Variants in ACSL1 observed in about 807,000 individuals in gnomAD.
ACSL1 encodes the protein acyl-CoA synthetase long chain family member 1.
In ACSL1, 41 loss-of-function variants were observed where a neutral mutation model predicts 98.4. That is an observed-to-expected ratio of 0.42 (90% CI 0.32 to 0.54). The LOEUF (loss-of-function observed/expected upper bound fraction) is 0.54, where lower values mean the gene tolerates loss of function less well. Among genes scored for constraint, ACSL1 ranks in the 20% least tolerant of loss-of-function variants. The probability of loss-of-function intolerance (pLI) is 0.13; values close to 1 mark genes in which losing one functional copy is unlikely to be tolerated. For missense variants in ACSL1, 734 were observed against 883.1 expected, an observed-to-expected ratio of 0.83 and a Z score of 2.14; for synonymous variants, 316 against 322.7, an observed-to-expected ratio of 0.98 and a Z score of 0.22.
intron 12 of ACSL1, 129 bp downstream of exon 12, chr4:184,768,187 C>A: frequency 1.0e-6 from 1 of 1,000,580 alleles, no homozygotes; most frequent in South Asian, 1.9e-5. Flanking sequence ...GATGAGTAAA[C>A]TGAAGTTCTG....
intron 1 of ACSL1, among the ~76,000 whole-genome samples, chr4:184,806,412 G>C (rs1233117977): frequency 6.6e-6 from 1 of 152,106 alleles, no homozygotes; most frequent in Non-Finnish European, 1.5e-5. Context: ...CTCCAGGCCT[G>C]AATAGGAAGT....
intron 3 of ACSL1, among the ~76,000 whole-genome samples, chr4:184,785,225 A>G (rs925751687): frequency 3.9e-5 from 6 of 152,220 alleles, no homozygotes; most frequent in Admixed American, 2.6e-4. Flanking sequence ...CTCCAGCTCC[A>G]GAACTAGCCG....
Position 184,825,792 on chromosome 4 carries a change from ACGCGCCTCCGCGGCGGC to A in ACSL1, c.-33+107_-33+123del, listed in dbSNP as rs1773436911. The A allele has an allele frequency of 6.7e-6, 1 of 149,400 alleles. No homozygotes were observed. The highest frequency in any genetic ancestry group is 2.4e-5 in the African/African-American group (1 of 41,098). The allele number at this position is 149,400 out of a possible 1,614,324, so 9.3% of individuals were successfully genotyped here. On this transcript the variant is annotated intron_variant, in intron 1 of 20. Coordinates refer to ENST00000281455, the MANE Select transcript of ACSL1 (RefSeq NM_001995.5). This position sits in a 1 kb window ranked among gnomAD's most constrained non-coding sequence, Gnocchi z 4.7. ...CGGCCCCACGAGCCTGGGGTGGCTCACGCGCCTCCGCGGCGGCCGCTGCTCCGGGCTCGGCCCTGAAG... is the reference window on the plus strand; with the variant it reads ...CGGCCCCACGAGCCTGGGGTGGCTCACGCTGCTCCGGGCTCGGCCCTGAAG...
intron 1 of ACSL1, among the ~76,000 whole-genome samples, chr4:184,815,916 T>C (rs1230803101): frequency 1.3e-5 from 2 of 150,916 alleles, no homozygotes; most frequent in African/African-American, 4.9e-5. Flanking sequence ...AGGCCAGGAG[T>C]TCAAGCCCAG....
intron 1 of ACSL1, chr4:184,812,350 G>C (rs1400610515): frequency 2.3e-6 from 1 of 442,992 alleles, no homozygotes; most frequent in Admixed American, 6.4e-5. Context: ...GATTCTGACT[G>C]TGTCTCTGCA....
intron 5 of ACSL1, among the ~76,000 whole-genome samples, chr4:184,777,625 A>G (rs149187568): frequency 6.0e-4 from 92 of 152,216 alleles, no homozygotes; most frequent in Middle Eastern, 3.4e-3. Context: ...ATAAATTAAA[A>G]TCCGCCTGAA....
At chr4:184,824,499 G>A (rs543465274) in intron 1 of ACSL1, among the ~76,000 whole-genome samples, 1 of 152,290 alleles carries the variant, frequency 6.6e-6, no homozygotes, top group African/African-American at 2.4e-5. Context: ...GTTTTAAAGG[G>A]GAGAGGTATA....
rs183514309 is a variant in ACSL1, at chr4:184,762,368, G to T, written c.1638+39C>A. ...ATAAGACATTTTCTTCCCCACAGTG[G>T]AACTGAACTGTTTGTGACCTGAGGA... is the stretch of plus-strand genomic sequence containing the variant. On this transcript the variant is annotated intron_variant, in intron 17 of 20. Transcript: ENST00000281455. 235 of 1,518,554 alleles carry T rather than the reference G, an allele frequency of 1.5e-4. 6 individuals carry two copies. The Admixed American group carries it at 3.8e-3, about 25-fold the overall frequency. 94.1% of individuals were successfully genotyped at this position (1,518,554 alleles called of 1,614,324 possible).
chr4:184,816,389 G>A (rs1772640945), intron 1 of ACSL1, among the ~76,000 whole-genome samples: 1 of 152,070 alleles, frequency 6.6e-6, no homozygotes, highest in African/African-American at 2.4e-5. Context: ...AAAGAGCTCA[G>A]GTAACTATAA....
rs1446036604 is a variant in ACSL1 at position 184,760,365 on chromosome 4, T to A, written c.1774A>T (p.Ser592Cys). 6.2e-7 allele frequency: 1 copy of A among 1,614,120 alleles called. No individual in the cohort carries two copies. Among genetic ancestry groups the A allele is most frequent in the South Asian group, 1.1e-5 (1 of 91,080 alleles). The change falls in exon 18 of 21, where the codon AGC becomes TGC. Residue 592 changes from serine to cysteine, a missense_variant. Coordinates refer to ENST00000281455, the MANE Select transcript of ACSL1 (RefSeq NM_001995.5). ...PVAQVFVHGE[S>C]LQAFLIAIVV... is the part of the protein sequence containing the mutation. ...ACCCAGAAAGCACATACCTGCAGGC[T>A]TTCTCCGTGGACAAACACCTGAGCA...
rs557026378 is a variant in ACSL1 at position 184,825,363 on chromosome 4, T to C, written c.-33+553A>G. The C allele has an allele frequency of 1.2e-5, 6 of 516,908 alleles. No individual in the cohort carries two copies. The Middle Eastern group carries it at 4.9e-3, about 426-fold the overall frequency. 32.0% of individuals were successfully genotyped at this position (516,908 alleles called of 1,614,324 possible). The stretch of plus-strand genomic sequence containing the variant: ...CACTCCTCTGGAGTCACCGAGAGAA[T>C]GTCTGCCTCTGGCAGCGGCCTCTGA... On this transcript the variant is annotated intron_variant, in intron 1 of 20. Transcript: ENST00000281455. This position sits in a 1 kb window ranked among gnomAD's most constrained non-coding sequence, Gnocchi z 4.7.
chr4:184,818,480 A>G (rs1772807488), intron 1 of ACSL1, among the ~76,000 whole-genome samples: 1 of 152,222 alleles, frequency 6.6e-6, no homozygotes, highest in African/African-American at 2.4e-5. Flanking sequence ...GATCTTGGCT[A>G]TAAGATCTAC....
chr4:184,765,921 C>T lies in ACSL1; in HGVS notation c.1329G>A (p.Leu443=). The T allele has an allele frequency of 6.2e-7, 1 of 1,614,068 alleles. No individual in the cohort carries two copies. Among genetic ancestry groups the T allele is most frequent in the South Asian group, 1.1e-5 (1 of 91,070 alleles). ...TGAAPVSATV[L]TFLRAALGCQ... is the part of the protein sequence containing the mutation. ...AGCCCAGGGCTGCTCTGAGGAACGT[C>T]AGCACAGTGGCAGACACCGGGGCGG... The change falls in exon 14 of 21, where the codon CTG becomes CTA. Residue 443 remains leucine (L), a synonymous_variant. Transcript: ENST00000281455.
chr4:184,790,832 T>G (rs536767435), intron 2 of ACSL1, among the ~76,000 whole-genome samples: 2 of 149,994 alleles, frequency 1.3e-5, no homozygotes, highest in South Asian at 4.2e-4. Context: ...ATCACCTCAG[T>G]CTTGACTCCA....
At position 184,803,255 on chromosome 4, in the gene ACSL1, C is replaced by G. The variant is rs1770824872; in HGVS notation, c.195+65G>C. On this transcript the variant is annotated intron_variant, in intron 2 of 20. Transcript: ENST00000281455. The surrounding 1 kb of genome is among the most constrained non-coding windows in gnomAD (Gnocchi z 4.8). ...TGATCTTGATGGCTATCACATTCAA[C>G]AGGGCTCAGCTCATCTGGGGAAATG... 2.2e-6 allele frequency: 3 copies of G among 1,367,778 alleles called. No individual in the cohort carries two copies. The highest frequency in any genetic ancestry group is 2.9e-6 in the Non-Finnish European group (3 of 1,023,198). 84.7% of individuals were successfully genotyped at this position (1,367,778 alleles called of 1,614,324 possible). A position where few individuals can be genotyped will look rare whatever the true frequency, so the allele number is the denominator to read the frequency against.
chr4:184,811,643 G>A (rs1201411567), intron 1 of ACSL1, among the ~76,000 whole-genome samples: 1 of 152,084 alleles, frequency 6.6e-6, no homozygotes, highest in Admixed American at 6.6e-5. Flanking sequence ...GTTACTGGGG[G>A]CTGGGCAGGG....
intron 1 of ACSL1, among the ~76,000 whole-genome samples, chr4:184,822,183 G>A (rs1773114311): frequency 6.6e-6 from 1 of 151,836 alleles, no homozygotes; most frequent in African/African-American, 2.4e-5. Flanking sequence ...TTCTAGAGAT[G>A]GGGTCTTGCT....
chr4:184,813,054 A>T (rs561501403), intron 1 of ACSL1, among the ~76,000 whole-genome samples: 4 of 152,172 alleles, frequency 2.6e-5, no homozygotes, highest in Non-Finnish European at 5.9e-5. Context: ...AAAACAAAAC[A>T]TATAGCTCTC....
intron 1 of ACSL1, among the ~76,000 whole-genome samples, chr4:184,824,417 CCTGT>C (rs1248763135): frequency 6.6e-6 from 1 of 152,136 alleles, no homozygotes; most frequent in Non-Finnish European, 1.5e-5. Flanking sequence ...AGCCACCACG[CCTGT>C]CTGGGTAATT....
Sources: gnomAD v4.1 joint callset for allele counts (sites outside exome capture counted in the v4.1 genomes callset) on GRCh38, gnomAD v4.1.1 for gene constraint, Gnocchi (gnomAD v3.1) non-coding constraint, MANE v1.5 for transcripts, NCBI Gene and HGNC (gene_info 2026-07-23, HGNC 2026-07-21) for gene names.